The following LRP2 variants were observed in gnomAD, a reference collection of about 807,000 sequenced individuals.
LRP2 encodes the protein low-density lipoprotein receptor-related protein 2.
In LRP2, 172 loss-of-function variants were observed where a neutral mutation model predicts 531.0. The ratio of observed to expected loss-of-function variants is 0.32; its 90% CI spans 0.29 to 0.37. The LOEUF is 0.37. LRP2 is among the 10% of genes least tolerant of loss of function. LRP2 has a pLI of 1.00. For synonymous variants in LRP2, 1,992 were observed against 2,027.6 expected (o/e 0.98, Z 0.47); for missense variants, 5,167 against 5,868.3 (o/e 0.88, Z 3.90).
intron 70 of LRP2, among the ~76,000 whole-genome samples, chr2:169,144,072 G>T (rs68155726): frequency 0.12 from 18,068 of 152,190 alleles, 2,403 homozygotes; most frequent in African/African-American, 0.33. Context: ...GGGTGGGCCT[G>T]AGAGACTGCA....
At chr2:169,327,159 AGCCGCCC>A in intron 1 of LRP2, among the ~76,000 whole-genome samples, 1 of 133,986 alleles carries the variant, frequency 7.5e-6, no homozygotes, top group South Asian at 2.5e-4. Context: ...CCGCCCGGCC[AGCCGCCC>A]CGTCCAGGAG....
At chr2:169,283,153 A>G in intron 9 of LRP2, 152 bp from the exon 10 acceptor site, 1 of 745,754 alleles carries the variant, frequency 1.3e-6, no homozygotes, top group Non-Finnish European at 2.4e-6. Flanking sequence ...CTGAGAATTT[A>G]TAACAACCAT....
At chr2:169,219,552 C>A (rs1688913908) in intron 34 of LRP2, among the ~76,000 whole-genome samples, 1 of 152,128 alleles carries the variant, frequency 6.6e-6, no homozygotes, top group African/African-American at 2.4e-5. Context: ...AAATTTGGTT[C>A]TTTCACTCCC....
chr2:169,273,531 T>C (rs1051262837), intron 14 of LRP2, among the ~76,000 whole-genome samples: 1 of 152,128 alleles, frequency 6.6e-6, no homozygotes, highest in African/African-American at 2.4e-5. Context: ...AAACCAAGAA[T>C]CTAAACAGTT....
chr2:169,237,207 A>C lies in LRP2; in HGVS notation c.4587T>G (p.Ala1529=). The change falls in exon 28 of 79, where the codon GCT becomes GCG. Residue 1529 remains alanine (A), a synonymous_variant. Coordinates refer to ENST00000649046, the MANE Select transcript of LRP2 (RefSeq NM_004525.3). ...VGRNLYWTDY[A]LETIEVSKID... The stretch of plus-strand genomic sequence containing the variant: ...TTTTGGAGACTTCAATTGTTTCCAG[A>C]GCATAGTCTGTCCAGTAAAGATTAC... The C allele has an allele frequency of 6.2e-7, 1 of 1,613,858 alleles. No individual in the cohort carries two copies. Among genetic ancestry groups the C allele is most frequent in the Non-Finnish European group, 8.5e-7 (1 of 1,179,794 alleles).
chr2:169,135,566 C>T (rs1029965628), intron 76 of LRP2, among the ~76,000 whole-genome samples: 11 of 152,184 alleles, frequency 7.2e-5, no homozygotes, highest in Admixed American at 2.0e-4. Context: ...CTTCATACCC[C>T]TTACGGTCCT....
In LRP2 at chr2:169,201,648, G is replaced by A. The variant is rs760322706; in HGVS notation, c.8432C>T (p.Thr2811Ile). ...NGVDNCHDNN[T>I]SDEKNCPDRT... ...CTTACGGCAATTTTTCTCATCTGAA[G>A]TGTTATTATCATGGCAGTTGTCTAC... The change falls in exon 44 of 79, where the codon ACT becomes ATT. Residue 2811 changes from threonine (T) to isoleucine (I), a missense_variant. Coordinates refer to ENST00000649046, the MANE Select transcript of LRP2 (RefSeq NM_004525.3). The A allele has an allele frequency of 6.2e-7, 1 of 1,614,130 alleles. No homozygotes were observed.
At chr2:169,156,436 A>T (rs778422988) in intron 64 of LRP2, 31 bp from the exon 65 acceptor site, 1 of 1,612,566 alleles carries the variant, frequency 6.2e-7, no homozygotes, top group Non-Finnish European at 8.5e-7. Context: ...AATACGCAAC[A>T]TCTGTTCCCA....
At chr2:169,160,685 A>AAAAAACAAAAAAAAAAAAAAAAC (rs1553487411) in intron 63 of LRP2, among the ~76,000 whole-genome samples, 5 of 94,234 alleles carry the variant, frequency 5.3e-5, no homozygotes, top group Non-Finnish European at 1.1e-4. Flanking sequence ...ATTTCCTTAA[A>AAAAAACAAAAAAAAAAAAAAAAC]AAAAAAAAAA....
At chr2:169,188,631 A>G (rs1037834348) in intron 48 of LRP2, among the ~76,000 whole-genome samples, 2 of 152,144 alleles carry the variant, frequency 1.3e-5, no homozygotes, top group African/African-American at 4.8e-5. Flanking sequence ...AACTTTTGTA[A>G]TTTTGGTATA....
In LRP2 at chr2:169,185,486, C is replaced by T. The variant is rs914603060; in HGVS notation, c.9845+17G>A. 3.7e-6 allele frequency: 6 copies of T among 1,611,938 alleles called. No individual in the cohort carries two copies. The highest frequency in any genetic ancestry group is 5.1e-6 in the Non-Finnish European group (6 of 1,179,692). ...TTTAATTTTTAACTTTTAAAAAGCT[C>T]ATCAGTGTTTTCTTACCTGGAAACC... On this transcript the variant is annotated intron_variant, in intron 50 of 78. Coordinates refer to ENST00000649046, the MANE Select transcript of LRP2 (RefSeq NM_004525.3).
chr2:169,132,763 T>C (rs1685341792), intron 76 of LRP2, 82 bp from the exon 77 acceptor site: 2 of 775,098 alleles, frequency 2.6e-6, no homozygotes, highest in Non-Finnish European at 4.7e-6. Flanking sequence ...GTACCAACTC[T>C]GGCTCTTTTT....
intron 9 of LRP2, among the ~76,000 whole-genome samples, chr2:169,285,220 G>A (rs1364616690): frequency 6.6e-6 from 1 of 151,758 alleles, no homozygotes; most frequent in East Asian, 1.9e-4. Flanking sequence ...TATTCGGGAG[G>A]CTGAAGTGGG....
At chr2:169,223,188 C>A (rs1323530651) in intron 33 of LRP2, among the ~76,000 whole-genome samples, 1 of 152,196 alleles carries the variant, frequency 6.6e-6, no homozygotes, top group African/African-American at 2.4e-5. Context: ...ATCAAAATAT[C>A]TTTCCTCTGT....
intron 1 of LRP2, among the ~76,000 whole-genome samples, chr2:169,337,321 T>C (rs914603914): frequency 6.6e-6 from 1 of 152,158 alleles, no homozygotes; most frequent in African/African-American, 2.4e-5. Context: ...GAGCAGATTG[T>C]AGGGGAACAG....
At chr2:169,312,465 T>G (rs907620976) in intron 3 of LRP2, among the ~76,000 whole-genome samples, 7 of 152,308 alleles carry the variant, frequency 4.6e-5, no homozygotes, top group African/African-American at 1.7e-4. Context: ...CTTATGAAGC[T>G]TAGTTTGGCT....
At position 169,206,922 on chromosome 2, in the gene LRP2, C is replaced by T. The variant is rs1178143527; in HGVS notation, c.6798G>A (p.Glu2266=). 1 of 1,614,190 alleles carries T rather than the reference C, an allele frequency of 6.2e-7. No individual in the cohort carries two copies. Among genetic ancestry groups the T allele is most frequent in the African/African-American group, 1.3e-5 (1 of 75,028 alleles). Residue 2266 remains glutamate (E), a synonymous_variant, in exon 39 of 79, where the codon GAG becomes GAA. Transcript: ENST00000649046. ...DIIARIRING[E]NSEVIRYGSR... ...TGCCATAACGAATCACTTCAGAGTT[C>T]TCTCCATTGATACGAATCCTTGCAA... is the stretch of plus-strand genomic sequence containing the variant.
intron 4 of LRP2, among the ~76,000 whole-genome samples, chr2:169,306,136 C>T (rs1684410085): frequency 6.6e-6 from 1 of 151,822 alleles, no homozygotes; most frequent in South Asian, 2.1e-4. Flanking sequence ...ACGAAAAGGC[C>T]TGTCAGAAAT....
intron 38 of LRP2, among the ~76,000 whole-genome samples, chr2:169,207,793 A>G (rs769807303): frequency 4.6e-5 from 7 of 152,232 alleles, no homozygotes; most frequent in African/African-American, 7.2e-5. Flanking sequence ...AAAAGTGACC[A>G]AAAGTCCATT....
Sources: gnomAD v4.1 joint callset for allele counts (sites outside exome capture counted in the v4.1 genomes callset) on GRCh38, gnomAD v4.1.1 for gene constraint, MANE v1.5 for transcripts, NCBI Gene and HGNC (gene_info 2026-07-23, HGNC 2026-07-21) for gene names.